The following SLC26A7 variants were observed in gnomAD, a reference collection of about 807,000 sequenced individuals.
The protein encoded by SLC26A7 is solute carrier family 26 member 7.
A neutral mutation model predicts 82.5 loss-of-function variants in SLC26A7; 59 were observed. The ratio of observed to expected loss-of-function variants is 0.72; its 90% CI spans 0.58 to 0.89. The LOEUF is 0.89. SLC26A7 is among the 40% of genes least tolerant of loss of function. SLC26A7 has a pLI of 0.00. For synonymous variants in SLC26A7, 271 were observed against 274.3 expected, an observed-to-expected ratio of 0.99 and a Z score of 0.12; for missense variants, 820 against 793.0, an observed-to-expected ratio of 1.03 and a Z score of -0.41.
chr8:91,221,112 AT>A (rs375666228), intron 2 of SLC26A7, among the ~76,000 whole-genome samples: 373 of 152,330 alleles, frequency 2.4e-3, no homozygotes, highest in African/African-American at 8.8e-3. Context: ...CATTTCTCTG[AT>A]GATCAGTGAT....
At chr8:91,339,983 C>T (rs1350918422) in intron 7 of SLC26A7, among the ~76,000 whole-genome samples, 1 of 152,110 alleles carries the variant, frequency 6.6e-6, no homozygotes, top group African/African-American at 2.4e-5. Flanking sequence ...AGAATTGTAG[C>T]TCACAGTAAA....
chr8:91,217,323 T>C (rs1264096722), intron 1 of SLC26A7, among the ~76,000 whole-genome samples: 1 of 152,122 alleles, frequency 6.6e-6, no homozygotes, highest in Non-Finnish European at 1.5e-5. Context: ...TGGCTGAAGA[T>C]TTTGTCATGT....
At chr8:91,332,642 G>A (rs1055373950) in intron 5 of SLC26A7, among the ~76,000 whole-genome samples, 15 of 150,684 alleles carry the variant, frequency 1.0e-4, no homozygotes, top group African/African-American at 3.6e-4. Flanking sequence ...ATTCCCCACC[G>A]CCAGCAGTCT....
At chr8:91,331,910 A>G (rs79990441) in intron 5 of SLC26A7, among the ~76,000 whole-genome samples, 10,855 of 151,902 alleles carry the variant, frequency 0.071, 566 homozygotes, top group East Asian at 0.11. Context: ...AGTGTAATTG[A>G]GCTCTTTGTT....
intron 2 of SLC26A7, among the ~76,000 whole-genome samples, chr8:91,219,812 C>T (rs927629297): frequency 2.0e-5 from 3 of 152,118 alleles, no homozygotes; most frequent in East Asian, 3.8e-4. Context: ...AAACCCTCCA[C>T]GTGATCTCTT....
intron 5 of SLC26A7, among the ~76,000 whole-genome samples, chr8:91,325,519 T>A (rs1286013123): frequency 6.6e-6 from 1 of 152,152 alleles, no homozygotes; most frequent in Non-Finnish European, 1.5e-5. Context: ...TTAACAGCTT[T>A]CAGAATCAAG....
At chr8:91,378,240 C>G (rs1012026149) in intron 15 of SLC26A7, among the ~76,000 whole-genome samples, 1 of 151,442 alleles carries the variant, frequency 6.6e-6, no homozygotes, top group Non-Finnish European at 1.5e-5. Flanking sequence ...AGGTCCAAAT[C>G]ATTACCTAAA....
intron 15 of SLC26A7, among the ~76,000 whole-genome samples, chr8:91,374,200 T>C (rs1019268110): frequency 3.3e-5 from 5 of 151,392 alleles, no homozygotes; most frequent in African/African-American, 1.2e-4. Flanking sequence ...CTCCTTGGTA[T>C]TTTTTTTGTC....
intron 4 of SLC26A7, among the ~76,000 whole-genome samples, chr8:91,308,356 G>A (rs898344204): frequency 1.3e-5 from 2 of 151,550 alleles, no homozygotes; most frequent in Non-Finnish European, 1.5e-5. Flanking sequence ...TAGTTCAGTA[G>A]CATTGAATAC....
intron 1 of SLC26A7, among the ~76,000 whole-genome samples, chr8:91,217,523 T>G (rs1036969312): frequency 6.6e-5 from 10 of 152,160 alleles, no homozygotes; most frequent in Non-Finnish European, 1.5e-4. Context: ...TTCCTTGAAC[T>G]GTCTTGCCTT....
intron 9 of SLC26A7, among the ~76,000 whole-genome samples, chr8:91,349,739 G>T (rs1039129151): frequency 6.6e-5 from 10 of 152,192 alleles, no homozygotes; most frequent in African/African-American, 1.9e-4. Context: ...TTAGGGTTTT[G>T]GTTTCAGGTA....
intron 2 of SLC26A7, among the ~76,000 whole-genome samples, chr8:91,263,291 G>GT (rs370159584): frequency 1.3e-3 from 204 of 151,852 alleles, no homozygotes; most frequent in African/African-American, 4.5e-3. Context: ...TGTTATAATG[G>GT]TTTTTTTTGT....
chr8:91,354,290 G>A (rs192428333), intron 11 of SLC26A7, among the ~76,000 whole-genome samples: 1 of 152,200 alleles, frequency 6.6e-6, no homozygotes, highest in East Asian at 1.9e-4. Context: ...TTTCTATTAG[G>A]AAGTTGAGAA....
intron 2 of SLC26A7, among the ~76,000 whole-genome samples, chr8:91,274,990 T>C (rs948928685): frequency 1.3e-5 from 2 of 152,164 alleles, no homozygotes; most frequent in African/African-American, 4.8e-5. Context: ...ATATCAGTCA[T>C]TGGATAGATA....
intron 5 of SLC26A7, among the ~76,000 whole-genome samples, chr8:91,318,698 T>C (rs1812710076): frequency 1.3e-5 from 2 of 152,188 alleles, no homozygotes; most frequent in South Asian, 2.1e-4. Context: ...ACTGGGATTA[T>C]GGCCAAGTTT....
chr8:91,278,644 A>G (rs2130746952), intron 2 of SLC26A7, among the ~76,000 whole-genome samples: 2 of 152,228 alleles, frequency 1.3e-5, no homozygotes, highest in South Asian at 4.1e-4. Context: ...ATTAACAAAA[A>G]CTGTATATGC....
At chr8:91,337,925 A>T (rs1263040813) in intron 6 of SLC26A7, among the ~76,000 whole-genome samples, 2 of 145,140 alleles carry the variant, frequency 1.4e-5, no homozygotes, top group Non-Finnish European at 3.0e-5. Flanking sequence ...TAGAAAAGCC[A>T]TATGATTGGG....
intron 2 of SLC26A7, among the ~76,000 whole-genome samples, chr8:91,224,111 T>C (rs1586303189): frequency 6.6e-6 from 1 of 152,104 alleles, no homozygotes; most frequent in Non-Finnish European, 1.5e-5. Context: ...CTTCTTTGCA[T>C]TGGGTTAGAA....
At chr8:91,308,783 TATTTA>T (rs1812396368) in intron 4 of SLC26A7, among the ~76,000 whole-genome samples, 1 of 152,212 alleles carries the variant, frequency 6.6e-6, no homozygotes, top group Non-Finnish European at 1.5e-5. Flanking sequence ...AATACTACTT[TATTTA>T]TTTTGCTCTT....
Sources: allele counts gnomAD v4.1 joint callset (sites outside exome capture counted in the v4.1 genomes callset), GRCh38; gene constraint gnomAD v4.1.1; transcripts MANE v1.5; gene names NCBI Gene and HGNC (gene_info 2026-07-23, HGNC 2026-07-21).